FGF14: variants seen among roughly 807,000 people sequenced by gnomAD.
FGF14 encodes the protein fibroblast growth factor homologous factor 4.
FGF14 carries 5 observed loss-of-function variants against 25.5 expected under a neutral mutation model. That is an observed-to-expected ratio of 0.20 (90% CI 0.10 to 0.41). The LOEUF (loss-of-function observed/expected upper bound fraction) is 0.41, where lower values mean the gene tolerates loss of function less well. FGF14 is among the 10% of genes least tolerant of loss of function. The pLI is 1.00. For missense variants in FGF14, 222 were observed against 320.1 expected (o/e 0.69, Z 2.34); for synonymous variants, 138 against 118.3 (o/e 1.17, Z -1.08).
chr13:101,954,341 A>T (rs1485139916), intron 1 of FGF14, among the ~76,000 whole-genome samples: 1 of 152,080 alleles, frequency 6.6e-6, no homozygotes, highest in African/African-American at 2.4e-5. Context: ...ACTGAATTTG[A>T]TGCAATAACT....
chr13:102,259,598 G>A (rs2052617132), intron 1 of FGF14, among the ~76,000 whole-genome samples: 1 of 152,038 alleles, frequency 6.6e-6, no homozygotes, highest in South Asian at 2.1e-4. Flanking sequence ...GACCCTGTGG[G>A]AGCCCTCCCC....
At chr13:102,324,400 T>G (rs1368837921) in intron 1 of FGF14, among the ~76,000 whole-genome samples, 1 of 152,222 alleles carries the variant, frequency 6.6e-6, no homozygotes, top group Non-Finnish European at 1.5e-5. Flanking sequence ...TCTTCATCTG[T>G]AAAATGGGGC....
intron 1 of FGF14, among the ~76,000 whole-genome samples, chr13:102,351,526 A>C (rs957209722): frequency 6.6e-6 from 1 of 152,248 alleles, no homozygotes; most frequent in African/African-American, 2.4e-5. Flanking sequence ...GGCTTAAGAC[A>C]ACAAAGATGT....
intron 3 of FGF14, chr13:101,802,158 G>T: frequency 3.9e-6 from 1 of 254,988 alleles, no homozygotes; most frequent in South Asian, 4.4e-5. Flanking sequence ...GCCACCATCT[G>T]AATTCTTTCC....
rs72662430 is a variant in FGF14, at chr13:101,890,981, T to A, written c.194-15685A>T. Among the ~76,000 whole-genome samples, 1,245 of 152,186 alleles carry A rather than the reference T, an allele frequency of 8.2e-3. 13 individuals carry two copies. Among genetic ancestry groups the A allele is most frequent in the Middle Eastern group, 0.02 (6 of 294 alleles). On this transcript the variant is annotated intron_variant, in intron 1 of 4. Coordinates refer to ENST00000376143, the MANE Select transcript of FGF14 (RefSeq NM_004115.4). ...GGGAATAATGTCTACCCCATCAAGG[T>A]AGGATCACCAAGATCCAGTGGATGG...
At chr13:102,179,158 T>C (rs2048568768) in intron 1 of FGF14, among the ~76,000 whole-genome samples, 1 of 152,146 alleles carries the variant, frequency 6.6e-6, no homozygotes, top group African/African-American at 2.4e-5. Flanking sequence ...CTCCACTTTT[T>C]CTTGGGCTTC....
At chr13:101,906,577 C>T (rs1055806274) in intron 1 of FGF14, among the ~76,000 whole-genome samples, 1 of 152,096 alleles carries the variant, frequency 6.6e-6, no homozygotes, top group Admixed American at 6.5e-5. Flanking sequence ...ACCCATCCAT[C>T]ATTGAAGAGT....
intron 1 of FGF14, among the ~76,000 whole-genome samples, chr13:101,986,739 C>G (rs866480044): frequency 6.6e-6 from 1 of 152,092 alleles, no homozygotes; most frequent in South Asian, 2.1e-4. Flanking sequence ...CACTGAATGT[C>G]TCATAGACGT....
intron 1 of FGF14, among the ~76,000 whole-genome samples, chr13:102,271,662 T>C (rs1406432291): frequency 6.6e-6 from 1 of 152,182 alleles, no homozygotes; most frequent in East Asian, 1.9e-4. Flanking sequence ...AAACTATAAG[T>C]TTAAATTCCA....
intron 1 of FGF14, among the ~76,000 whole-genome samples, chr13:102,066,466 A>C (rs1474796104): frequency 6.6e-6 from 1 of 152,184 alleles, no homozygotes; most frequent in Non-Finnish European, 1.5e-5. Context: ...ACCAAAGACA[A>C]TTAAAAGTAA....
intron 1 of FGF14, among the ~76,000 whole-genome samples, chr13:101,924,748 G>A (rs2034250887): frequency 6.6e-6 from 1 of 152,178 alleles, no homozygotes; most frequent in Non-Finnish European, 1.5e-5. Context: ...CCCCAGACAT[G>A]TTAAATGATT....
chr13:102,185,742 T>C lies in FGF14; in HGVS notation c.208+215729A>G, dbSNP rs190666680. Among the ~76,000 whole-genome samples, 612 of 152,270 alleles carry C rather than the reference T, an allele frequency of 4.0e-3. 4 individuals carry two copies. Among genetic ancestry groups the C allele is most frequent in the African/African-American group, 0.014 (586 of 41,556 alleles). ...TGGAACACCTGTATTTGGAGATGGA[T>C]CCACCAGATTTATGATTGGCACAAT... is the stretch of plus-strand genomic sequence containing the variant. On this transcript the variant is annotated intron_variant, in intron 1 of 4. Coordinates refer to the FGF14 transcript ENST00000376131.
chr13:102,320,662 T>C (rs2056210096), intron 1 of FGF14, among the ~76,000 whole-genome samples: 1 of 152,188 alleles, frequency 6.6e-6, no homozygotes, highest in South Asian at 2.1e-4. Flanking sequence ...GTTTGTGCTC[T>C]TTGAAAGCCA....
chr13:101,928,171 G>T (rs541622926), intron 1 of FGF14, among the ~76,000 whole-genome samples: 77 of 152,286 alleles, frequency 5.1e-4, no homozygotes, highest in Non-Finnish European at 1.3e-4. Flanking sequence ...CTGCCCAGGA[G>T]ATTTTCCTAA....
At position 102,295,767 on chromosome 13, in the gene FGF14, G is replaced by A. The variant is rs372009148; in HGVS notation, c.208+105704C>T. Among the ~76,000 whole-genome samples, 3 of 152,174 alleles carry A rather than the reference G, an allele frequency of 2.0e-5. No homozygotes were observed. The East Asian group carries it at 5.8e-4, about 29-fold the overall frequency. Reference sequence around the variant, plus strand: ...CATATTAGCAGAAGCAAATACCTCCGCAATGGGCAGCGACCAAGAAAATGA... The same window carrying A: ...CATATTAGCAGAAGCAAATACCTCCACAATGGGCAGCGACCAAGAAAATGA... On this transcript the variant is annotated intron_variant, in intron 1 of 4. Transcript: ENST00000376131.
At chr13:102,099,835 TAGTTA>T (rs1242479660) in intron 1 of FGF14, among the ~76,000 whole-genome samples, 1 of 151,946 alleles carries the variant, frequency 6.6e-6, no homozygotes, top group Non-Finnish European at 1.5e-5. Flanking sequence ...CTATGATATA[TAGTTA>T]GGTTTAGTAG....
At chr13:102,325,697 T>G (rs1197997160) in intron 1 of FGF14, among the ~76,000 whole-genome samples, 1 of 152,200 alleles carries the variant, frequency 6.6e-6, no homozygotes, top group East Asian at 1.9e-4. Context: ...ATTTTTCTTC[T>G]AACACTACCA....
chr13:102,376,452 T>C (rs980358105), intron 1 of FGF14, among the ~76,000 whole-genome samples: 1 of 152,174 alleles, frequency 6.6e-6, no homozygotes, highest in African/African-American at 2.4e-5. Context: ...CTGTGCTCTT[T>C]TCCTTCCACT....
At chr13:101,735,718 G>A (rs1225958002) in intron 3 of FGF14, among the ~76,000 whole-genome samples, 1 of 151,980 alleles carries the variant, frequency 6.6e-6, no homozygotes, top group East Asian at 1.9e-4. Context: ...CCAGGAAGGG[G>A]TAGAATGGGA....
Sources: gnomAD v4.1 joint callset for allele counts (sites outside exome capture counted in the v4.1 genomes callset) on GRCh38, gnomAD v4.1.1 for gene constraint, MANE v1.5 for transcripts, NCBI Gene and HGNC (gene_info 2026-07-23, HGNC 2026-07-21) for gene names.